Variants in NECAP2 observed in about 807,000 individuals in gnomAD.
The protein encoded by NECAP2 is adaptin ear-binding coat-associated protein 2.
A neutral mutation model predicts 37.8 loss-of-function variants in NECAP2; 38 were observed. The ratio of observed to expected loss-of-function variants is 1.01; its 90% confidence interval spans 0.78 to 1.32. The LOEUF is 1.32. NECAP2 is among the 40% of genes most tolerant of loss of function. The pLI, the probability that NECAP2 is intolerant of heterozygous loss-of-function variation, is 0.00. For missense variants in NECAP2, 316 were observed against 334.5 expected, an observed-to-expected ratio of 0.94 and a Z score of 0.43; for synonymous variants, 121 against 127.7, an observed-to-expected ratio of 0.95 and a Z score of 0.35.
rs1272011514 is a variant in NECAP2 at position 16,460,051 on chromosome 1, GATAAA to G, written c.*1167_*1171del. The G allele has an allele frequency of 2.0e-5, 3 of 152,286 alleles. No individual in the cohort carries two copies. Among genetic ancestry groups the G allele is most frequent in the South Asian group, 2.1e-4 (1 of 4,828 alleles). The allele number at this position is 152,286 out of a possible 1,614,324, so 9.4% of individuals were successfully genotyped here. Reference sequence around the variant, plus strand: ...CCTTTTTGCGGGACCAGATTTTTAAGATAAAATAAATATTTTTACTTCTGTCATTG... The same window carrying G: ...CCTTTTTGCGGGACCAGATTTTTAAGATAAATATTTTTACTTCTGTCATTG... On this transcript the variant is annotated 3_prime_UTR_variant, in exon 8 of 8. Transcript: ENST00000337132.
chr1:16,451,891 C>T lies in NECAP2; in HGVS notation c.543C>T (p.Ser181=), dbSNP rs1230416606. Residue 181 remains serine (S), a synonymous_variant, in exon 6 of 8, where the codon AGC becomes AGT. Coordinates refer to ENST00000337132, the MANE Select transcript of NECAP2 (RefSeq NM_018090.5). ...GGAATCCCCGAGTCCGGCCTGCCAG[C>T]ACAGGAGGGCTGAGCCTGCTTCCCC... is the stretch of plus-strand genomic sequence containing the variant. ...AAGNPRVRPA[S]TGGLSLLPPP... is the part of the protein sequence containing the mutation. 1 of 1,614,142 alleles carries T rather than the reference C, an allele frequency of 6.2e-7. No homozygotes were observed. The highest frequency in any genetic ancestry group is 8.5e-7 in the Non-Finnish European group (1 of 1,179,986).
chr1:16,448,058 A>G lies in NECAP2; in HGVS notation c.299-2A>G, dbSNP rs1260540329. The stretch of plus-strand genomic sequence containing the variant: ...GTGGGTTGATCATGTGTTGTTCCCC[A>G]GGGCGACGGGCGTTTATTGGAATTG... On this transcript the variant is annotated splice_acceptor_variant, in intron 3 of 7. Transcript: ENST00000337132. LOFTEE classifies it high-confidence loss of function. The G allele has an allele frequency of 4.3e-6, 7 of 1,614,164 alleles. No individual in the cohort carries two copies. In the South Asian group the frequency reaches 7.7e-5, roughly 18 times the overall value.
chr1:16,440,800 G>T lies in NECAP2; in HGVS notation c.39G>T (p.Lys13Asn), dbSNP rs911222071. Residue 13 changes from lysine (K) to asparagine (N), a missense_variant, in exon 1 of 8, where the codon AAG (lysine) becomes AAT (asparagine). Around this residue, in one of 3 missense-constraint regions of NECAP2, gnomAD observed 31 missense variants for 21.7 expected, o/e 1.43. Transcript: ENST00000337132. ...ESGYESVLCV[K>N]PDVHVYRIPP... ...GGTACGAGTCGGTGCTCTGTGTCAA[G>T]CCTGACGTCCACGTCTACCGCATCC... The T allele has an allele frequency of 6.2e-7, 1 of 1,614,086 alleles. No homozygotes were observed. The highest frequency in any genetic ancestry group is 1.3e-5 in the African/African-American group (1 of 74,940).
At position 16,458,834 on chromosome 1, in the gene NECAP2, C is replaced by T; in HGVS notation, c.744-8C>T. On this transcript the variant is annotated splice_polypyrimidine_tract_variant and splice_region_variant and intron_variant, in intron 7 of 7. Transcript: ENST00000337132. ...ACTCCCCCACCCTTCCCTGTCTTCTCTTTACAGATCAACTTCCAGCCAGAC... is the reference window on the plus strand; with the variant it reads ...ACTCCCCCACCCTTCCCTGTCTTCTTTTTACAGATCAACTTCCAGCCAGAC... 2 of 1,613,436 alleles carry T rather than the reference C, an allele frequency of 1.2e-6. No homozygotes were observed. Among genetic ancestry groups the T allele is most frequent in the Non-Finnish European group, 1.7e-6 (2 of 1,179,822 alleles).
At position 16,459,777 on chromosome 1, in the gene NECAP2, C is replaced by G. The variant is rs1328428478; in HGVS notation, c.*887C>G. 1 of 152,250 alleles carries G rather than the reference C, an allele frequency of 6.6e-6. No individual in the cohort carries two copies. The highest frequency in any genetic ancestry group is 2.4e-5 in the African/African-American group (1 of 41,474). 9.4% of individuals were successfully genotyped at this position (152,250 alleles called of 1,614,324 possible). ...CTCGGCTCACATGTTCACAGTGCAG[C>G]TCCTGGCAGACTTGGGTTTTCTCTT... On this transcript the variant is annotated 3_prime_UTR_variant, in exon 8 of 8. Transcript: ENST00000337132.
Position 16,443,559 on chromosome 1 carries a change from C to T in NECAP2, c.93-73C>T, listed in dbSNP as rs186199256. ...CAACTCTTGGGCTAGAATAAGCAGCCCTTTCCATTCCCAGCATTGGGGTCA... is the reference window on the plus strand; with the variant it reads ...CAACTCTTGGGCTAGAATAAGCAGCTCTTTCCATTCCCAGCATTGGGGTCA... On this transcript the variant is annotated intron_variant, in intron 1 of 7. Coordinates refer to ENST00000337132, the MANE Select transcript of NECAP2 (RefSeq NM_018090.5). The T allele has an allele frequency of 4.3e-6, 5 of 1,149,806 alleles. No individual in the cohort carries two copies. The African/African-American group carries it at 6.0e-5, about 14-fold the overall frequency. 71.2% of individuals were successfully genotyped at this position (1,149,806 alleles called of 1,614,324 possible). A position where few individuals can be genotyped will look rare whatever the true frequency, so the allele number is the denominator to read the frequency against.
intron 2 of NECAP2, among the ~76,000 whole-genome samples, chr1:16,446,632 ACTC>A (rs1273631329): frequency 2.6e-5 from 4 of 151,632 alleles, no homozygotes; most frequent in Admixed American, 2.6e-4. Context: ...GCAGCCTCCA[ACTC>A]CTGGGGTCAG....
chr1:16,443,649 T>C lies in NECAP2; in HGVS notation c.110T>C (p.Leu37Pro). ...NRGYRAAEWQLDQPSWSGRLR... is the reference protein window; with the variant it reads ...NRGYRAAEWQPDQPSWSGRLR... ...CCCCTTAGGGCTGCGGAGTGGCAGCTGGACCAGCCATCATGGAGTGGCCGG... is the reference window on the plus strand; with the variant it reads ...CCCCTTAGGGCTGCGGAGTGGCAGCCGGACCAGCCATCATGGAGTGGCCGG... Residue 37 changes from leucine to proline, a missense_variant, in exon 2 of 8, where the codon CTG becomes CCG. By Grantham distance (98) the Leu-to-Pro change is moderately conservative (BLOSUM62 -3). Transcript: ENST00000337132. The C allele has an allele frequency of 6.2e-7, 1 of 1,610,886 alleles. No individual in the cohort carries two copies. The highest frequency in any genetic ancestry group is 8.5e-7 in the Non-Finnish European group (1 of 1,179,438).
rs559763763 is a variant in NECAP2 at position 16,451,655 on chromosome 1, TGA to T, written c.490-178_490-177del. 2.8e-4 allele frequency: 184 copies of T among 653,442 alleles called. 1 individual carries two copies. The East Asian group carries it at 4.7e-3, about 17-fold the overall frequency. 40.5% of individuals were successfully genotyped at this position (653,442 alleles called of 1,614,324 possible). ...TGGGTTTTAAAATGGACCTTATTTG[TGA>T]GAGATTCAGAATGATGATGCACTAA... On this transcript the variant is annotated intron_variant, in intron 5 of 7. Coordinates refer to ENST00000337132, the MANE Select transcript of NECAP2 (RefSeq NM_018090.5).
chr1:16,441,777 G>A (rs2086693579), intron 1 of NECAP2, among the ~76,000 whole-genome samples: 2 of 152,084 alleles, frequency 1.3e-5, no homozygotes, highest in South Asian at 4.1e-4. Context: ...ATTTCCTCTT[G>A]TTACTTTCCA....
intron 5 of NECAP2, 87 bp from the exon 6 acceptor site, chr1:16,451,751 G>T: frequency 6.9e-7 from 1 of 1,453,294 alleles, no homozygotes; most frequent in Non-Finnish European, 9.6e-7. Context: ...GGGGGTCTGG[G>T]GTCACCTTGG....
chr1:16,447,452 GC>G (rs1367626018), intron 2 of NECAP2, among the ~76,000 whole-genome samples: 1 of 152,154 alleles, frequency 6.6e-6, no homozygotes, highest in Non-Finnish European at 1.5e-5. Context: ...TCAGGTACTA[GC>G]CTCTTCAGCA....
intron 5 of NECAP2, chr1:16,450,570 T>G (rs1275961562): frequency 6.5e-6 from 1 of 154,814 alleles, no homozygotes; most frequent in Admixed American, 6.5e-5. Context: ...GCTCAGTTTT[T>G]TTTTTAAAGC....
Position 16,458,059 on chromosome 1 carries a change from G to A in NECAP2, c.744-783G>A, listed in dbSNP as rs905951964. On this transcript the variant is annotated intron_variant, in intron 7 of 7. Transcript: ENST00000337132. ...CTGAAAAAGTCAAATCCTAGAAAAC[G>A]CAGCATTCTTACATGTGATGTTAAC... Among the ~76,000 whole-genome samples, 6 of 152,072 alleles carry A rather than the reference G, an allele frequency of 3.9e-5. No individual in the cohort carries two copies. The East Asian group carries it at 5.8e-4, about 15-fold the overall frequency.
chr1:16,458,698 T>C, intron 7 of NECAP2, 144 bp from the exon 8 acceptor site: 2 of 759,150 alleles, frequency 2.6e-6, no homozygotes, highest in Non-Finnish European at 4.3e-6. Flanking sequence ...TTGGTCTCTG[T>C]GCCAGAGTTT....
At chr1:16,440,884 C>T (rs1052534187) in intron 1 of NECAP2, 31 bp downstream of exon 1, 2 of 1,578,830 alleles carry the variant, frequency 1.3e-6, no homozygotes, top group South Asian at 2.2e-5. Context: ...CAGGCTAGCT[C>T]CAATTTAACC....
In NECAP2 at chr1:16,451,844, A is replaced by G; in HGVS notation, c.496A>G (p.Lys166Glu). The G allele has an allele frequency of 1.2e-6, 2 of 1,613,952 alleles. No homozygotes were observed. The highest frequency in any genetic ancestry group is 1.7e-6 in the Non-Finnish European group (2 of 1,179,964). Residue 166 changes from lysine (K) to glutamate (E), a missense_variant, in exon 6 of 8, where the codon AAG becomes GAG. By Grantham distance (56) the Lys-to-Glu change is moderately conservative (BLOSUM62 1). This residue lies in a region of NECAP2 where 204 missense variants were observed against 188.6 expected (regional missense o/e 1.08). Coordinates refer to ENST00000337132, the MANE Select transcript of NECAP2 (RefSeq NM_018090.5). ...QTIKLNIANM[K>E]KKEGAAGNPR... is the part of the protein sequence containing the mutation. The stretch of plus-strand genomic sequence containing the variant: ...ATTCCTCTTCCCTCTTTAGAACATG[A>G]AGAAGAAGGAAGGAGCAGCTGGGAA...
chr1:16,450,136 G>A, intron 5 of NECAP2: 1 of 451,386 alleles, frequency 2.2e-6, no homozygotes, highest in Non-Finnish European at 4.5e-6. Flanking sequence ...TGGCCAGCTG[G>A]CCCTTAAGAG....
chr1:16,441,654 G>C (rs2086691873), intron 1 of NECAP2: 1 of 152,232 alleles, frequency 6.6e-6, no homozygotes, highest in South Asian at 2.1e-4. Flanking sequence ...ACTGAGTGGT[G>C]GTGGGGAGTG....
Sources: gnomAD v4.1 joint callset for allele counts (sites outside exome capture counted in the v4.1 genomes callset) on GRCh38, gnomAD v4.1.1 for gene constraint, gnomAD v4.1.1 regional missense constraint, MANE v1.5 for transcripts, NCBI Gene and HGNC (gene_info 2026-07-23, HGNC 2026-07-21) for gene names.